Variants in XKR9 observed in about 807,000 individuals in gnomAD.
XKR9 encodes the protein XK-related protein 9.
In XKR9, 32 loss-of-function variants were observed where a neutral mutation model predicts 32.0. That is an observed-to-expected ratio of 1.00 (90% CI 0.76 to 1.34). XKR9 has a LOEUF of 1.34. XKR9 is among the 40% of genes most tolerant of loss of function. XKR9 has a pLI of 0.00. For missense variants in XKR9, 546 were observed against 429.7 expected (o/e 1.27, Z -2.39); for synonymous variants, 168 against 143.4 (o/e 1.17, Z -1.22).
chr8:70,670,367 C>A (rs1818671303), intron 1 of XKR9, among the ~76,000 whole-genome samples: 1 of 152,200 alleles, frequency 6.6e-6, no homozygotes, highest in Non-Finnish European at 1.5e-5. Flanking sequence ...GTGTTAACTA[C>A]AGCTTCCCAT....
intron 4 of XKR9, among the ~76,000 whole-genome samples, chr8:70,726,838 G>C (rs55922402): frequency 2.0e-5 from 3 of 152,120 alleles, no homozygotes; most frequent in African/African-American, 7.2e-5. Context: ...GCCCAAGGAA[G>C]CTTCACCAGA....
At chr8:70,822,239 T>C in the XKR9 span, among the ~76,000 whole-genome samples, 2 of 152,118 alleles carry the variant, frequency 1.3e-5, no homozygotes, top group African/African-American at 4.8e-5. Context: ...ATAACATTTA[T>C]TTTTTTATCC....
At chr8:70,934,697 C>G in the XKR9 span, among the ~76,000 whole-genome samples, 4 of 151,810 alleles carry the variant, frequency 2.6e-5, no homozygotes. Flanking sequence ...TCAGCAAATT[C>G]GTATTTCAAA....
the XKR9 span, among the ~76,000 whole-genome samples, chr8:70,924,760 G>A: frequency 9.9e-5 from 15 of 152,196 alleles, no homozygotes; most frequent in Non-Finnish European, 8.8e-5. Context: ...AGGACAAAAA[G>A]AGGGACAAAA....
chr8:71,063,503 T>G, the XKR9 span, among the ~76,000 whole-genome samples: 7 of 151,954 alleles, frequency 4.6e-5, no homozygotes, highest in East Asian at 1.2e-3. Flanking sequence ...CTAGCTTCTC[T>G]GAATTGGCTT....
At chr8:70,741,071 G>C (rs998617858) in intron 2 of XKR9, among the ~76,000 whole-genome samples, 11 of 152,262 alleles carry the variant, frequency 7.2e-5, no homozygotes, top group African/African-American at 2.4e-4. Context: ...TGCCCCCAGA[G>C]GTGGAGCCTA....
chr8:70,817,241 A>G, the XKR9 span, among the ~76,000 whole-genome samples: 7 of 152,316 alleles, frequency 4.6e-5, no homozygotes, highest in Non-Finnish European at 1.0e-4. Context: ...GATTACACCA[A>G]AAGCCTCCTA....
At chr8:70,853,532 A>C in the XKR9 span, among the ~76,000 whole-genome samples, 1 of 151,950 alleles carries the variant, frequency 6.6e-6, no homozygotes, top group African/African-American at 2.4e-5. Flanking sequence ...AAATGAACAA[A>C]AAAAAGACAT....
the XKR9 span, among the ~76,000 whole-genome samples, chr8:70,989,866 C>A: frequency 1.3e-5 from 2 of 152,150 alleles, no homozygotes; most frequent in Non-Finnish European, 2.9e-5. Context: ...CCCCTAATAA[C>A]CTCTGATGTA....
the XKR9 span, among the ~76,000 whole-genome samples, chr8:70,894,586 A>C: frequency 6.6e-6 from 1 of 152,012 alleles, no homozygotes; most frequent in Non-Finnish European, 1.5e-5. Context: ...AACTATTCTG[A>C]GTGGCCCAGG....
intron 3 of XKR9, among the ~76,000 whole-genome samples, chr8:70,702,236 T>G (rs1383229604): frequency 3.3e-5 from 5 of 152,264 alleles, no homozygotes; most frequent in Admixed American, 6.5e-5. Context: ...TCTTTGGGGA[T>G]TTAAAAAATA....
the XKR9 span, among the ~76,000 whole-genome samples, chr8:70,850,463 C>CAAAAA: frequency 2.2e-4 from 16 of 73,864 alleles, no homozygotes; most frequent in African/African-American, 4.3e-4. Flanking sequence ...GACTCCTTCT[C>CAAAAA]AAAAAAAAAA....
the XKR9 span, among the ~76,000 whole-genome samples, chr8:70,892,005 A>T: frequency 6.6e-6 from 1 of 152,074 alleles, no homozygotes; most frequent in East Asian, 1.9e-4. Flanking sequence ...TCATTATTAT[A>T]CAATGACCTT....
the XKR9 span, among the ~76,000 whole-genome samples, chr8:70,936,766 G>T: frequency 6.6e-6 from 1 of 151,984 alleles, no homozygotes; most frequent in Non-Finnish European, 1.5e-5. Context: ...AGAAGTGCCT[G>T]AACTCTCATT....
chr8:70,802,037 C>T, the XKR9 span, among the ~76,000 whole-genome samples: 43 of 151,482 alleles, frequency 2.8e-4, no homozygotes, highest in African/African-American at 9.2e-4. Flanking sequence ...CCCAGGTTCA[C>T]GCCATTCTCC....
chr8:71,027,345 A>T, the XKR9 span, among the ~76,000 whole-genome samples: 1 of 148,744 alleles, frequency 6.7e-6, no homozygotes, highest in Admixed American at 6.7e-5. Context: ...TTACAGTATA[A>T]ATGAATATAT....
chr8:70,754,844 C>T (rs905096525), intron 2 of XKR9, among the ~76,000 whole-genome samples: 25 of 151,738 alleles, frequency 1.6e-4, no homozygotes, highest in Admixed American at 5.9e-4. Context: ...ATTCAGGACA[C>T]AGGCATGGGC....
At chr8:70,775,860 T>G (rs1204137355) in intron 2 of XKR9, among the ~76,000 whole-genome samples, 1 of 151,982 alleles carries the variant, frequency 6.6e-6, no homozygotes, top group Non-Finnish European at 1.5e-5. Context: ...TCCTCTCACC[T>G]TAGCCTCCTG....
At chr8:70,846,316 T>C in the XKR9 span, among the ~76,000 whole-genome samples, 2 of 152,016 alleles carry the variant, frequency 1.3e-5, no homozygotes, top group South Asian at 2.1e-4. Flanking sequence ...AGTCTTACAA[T>C]GGGATGTGAA....
Sources: allele counts gnomAD v4.1 joint callset (sites outside exome capture counted in the v4.1 genomes callset), GRCh38; gene constraint gnomAD v4.1.1; transcripts MANE v1.5; gene names NCBI Gene and HGNC (gene_info 2026-07-23, HGNC 2026-07-21).